The following PRSS12 variants were observed in gnomAD, a reference collection of about 807,000 sequenced individuals.
PRSS12 encodes neurotrypsin.
PRSS12 carries 85 observed loss-of-function variants against 104.4 expected under a neutral mutation model. The ratio of observed to expected loss-of-function variants is 0.81; its 90% CI spans 0.68 to 0.98. PRSS12 has a LOEUF of 0.98. PRSS12 is among the 50% of genes least tolerant of loss of function. The pLI is 0.00. For synonymous variants in PRSS12, 454 were observed against 425.2 expected (o/e 1.07, Z -0.83); for missense variants, 1,141 against 1,139.2 (o/e 1.00, Z -0.02).
intron 8 of PRSS12, among the ~76,000 whole-genome samples, chr4:118,304,825 T>C (rs1394978682): frequency 2.0e-5 from 3 of 151,978 alleles, no homozygotes; most frequent in Admixed American, 6.6e-5. Flanking sequence ...TCACATTTCC[T>C]TTTTTATTAT....
intron 1 of PRSS12, among the ~76,000 whole-genome samples, chr4:118,349,371 T>C (rs1724434989): frequency 6.7e-6 from 1 of 149,564 alleles, no homozygotes; most frequent in African/African-American, 2.5e-5. Context: ...GCCACTGCGC[T>C]CCAGCCCGGG....
chr4:118,339,861 T>A (rs1272219065), intron 1 of PRSS12, among the ~76,000 whole-genome samples: 2 of 152,206 alleles, frequency 1.3e-5, no homozygotes, highest in Non-Finnish European at 2.9e-5. Context: ...TTTATTTTAG[T>A]CAAAGAATTC....
At chr4:118,306,502 C>T (rs377660665) in intron 8 of PRSS12, among the ~76,000 whole-genome samples, 81 of 152,238 alleles carry the variant, frequency 5.3e-4, no homozygotes, top group African/African-American at 1.8e-3. Flanking sequence ...GGGGAACAGG[C>T]AAGTCACACA....
chr4:118,352,598 C>G lies in PRSS12; in HGVS notation c.123G>C (p.Pro41=), dbSNP rs1208275346. 6 of 1,606,114 alleles carry G rather than the reference C, an allele frequency of 3.7e-6. No homozygotes were observed. The highest frequency in any genetic ancestry group is 5.1e-6 in the Non-Finnish European group (6 of 1,176,698). The change falls in exon 1 of 13, where the codon CCG becomes CCC. Residue 41 remains proline, a synonymous_variant. Transcript: ENST00000296498. ...GGGTGGGAAGGTAATAGGGGTAGTG[C>G]GGACCCGCAGGGGGCGAATGGCGGT... ...HSHRHSPPAG[P]HYPYYLPTQQ...
At chr4:118,295,941 C>T (rs1743243366) in intron 9 of PRSS12, 85 bp from the exon 10 acceptor site, 1 of 1,216,580 alleles carries the variant, frequency 8.2e-7, no homozygotes, top group Non-Finnish European at 1.2e-6. Flanking sequence ...ACTGATGCTT[C>T]CTCCTCTATG....
intron 1 of PRSS12, among the ~76,000 whole-genome samples, chr4:118,339,519 C>T (rs1251588274): frequency 5.9e-5 from 9 of 152,100 alleles, no homozygotes; most frequent in Admixed American, 3.3e-4. Flanking sequence ...ATATTTCTCA[C>T]GACAAAAACA....
chr4:118,345,912 G>A (rs1724342860), intron 1 of PRSS12, among the ~76,000 whole-genome samples: 1 of 152,202 alleles, frequency 6.6e-6, no homozygotes, highest in South Asian at 2.1e-4. Flanking sequence ...ATCCCCAGAT[G>A]ATTCAGAGGT....
At chr4:118,297,486 A>G (rs780226040) in intron 9 of PRSS12, among the ~76,000 whole-genome samples, 7 of 151,728 alleles carry the variant, frequency 4.6e-5, no homozygotes, top group Non-Finnish European at 8.8e-5. Context: ...ATTCACATAT[A>G]TACATATATC....
Position 118,316,837 on chromosome 4 carries a change from A to AATATATAT in PRSS12, c.1151-522_1151-515dup, listed in dbSNP as rs70941165. Reference sequence around the variant, plus strand: ...ACTCCGTCTCACGGAAAAAAAAAAAAATATATATATATATATATATCTTTC... The same window carrying AATATATAT: ...ACTCCGTCTCACGGAAAAAAAAAAAAATATATATATATATATATATATATATATCTTTC... On this transcript the variant is annotated intron_variant, in intron 5 of 12. Coordinates refer to ENST00000296498, the MANE Select transcript of PRSS12 (RefSeq NM_003619.4). 3.0e-3 allele frequency among the ~76,000 whole-genome samples: 294 copies of AATATATAT among 99,072 alleles called. 8 individuals carry two copies. The highest frequency in any genetic ancestry group is 0.018 in the Middle Eastern group (2 of 112). The allele number at this position is 99,072 out of a possible 152,430, so 65.0% of individuals were successfully genotyped here. A position where few individuals can be genotyped will look rare whatever the true frequency, so the allele number is the denominator to read the frequency against.
intron 4 of PRSS12, among the ~76,000 whole-genome samples, chr4:118,331,443 C>CGTAG (rs1723915372): frequency 6.6e-6 from 1 of 152,120 alleles, no homozygotes; most frequent in Admixed American, 6.5e-5. Context: ...CTGGTTACTA[C>CGTAG]CTGGGAGTAA....
At chr4:118,349,395 A>ATCAGAGAGAGAC (rs2126046822) in intron 1 of PRSS12, among the ~76,000 whole-genome samples, 1 of 147,902 alleles carries the variant, frequency 6.8e-6, no homozygotes, top group Non-Finnish European at 1.5e-5. Flanking sequence ...CAGAGAGAGA[A>ATCAGAGAGAGAC]CCTATCTCAA....
chr4:118,334,004 T>C (rs1010732487), intron 3 of PRSS12, among the ~76,000 whole-genome samples: 1 of 152,164 alleles, frequency 6.6e-6, no homozygotes, highest in East Asian at 1.9e-4. Context: ...TACTTTGAAA[T>C]GTTGGAAAAG....
At chr4:118,332,015 AAT>A (rs1292538612) in intron 3 of PRSS12, 149 bp from the exon 4 acceptor site, 2 of 894,878 alleles carry the variant, frequency 2.2e-6, no homozygotes, top group African/African-American at 3.3e-5. Context: ...ATATATATCT[AAT>A]ATATTATGGT....
intron 1 of PRSS12, among the ~76,000 whole-genome samples, chr4:118,346,095 G>C (rs1724346963): frequency 6.6e-6 from 1 of 152,162 alleles, no homozygotes; most frequent in Non-Finnish European, 1.5e-5. Flanking sequence ...TCTTCCTTCT[G>C]CAGATTGTTC....
intron 1 of PRSS12, among the ~76,000 whole-genome samples, chr4:118,341,514 C>T (rs1344619337): frequency 1.3e-5 from 2 of 152,022 alleles, no homozygotes; most frequent in Non-Finnish European, 2.9e-5. Flanking sequence ...GAAACCCCGT[C>T]TCTACTAAAA....
At chr4:118,286,720 G>T (rs1301839079) in intron 11 of PRSS12, among the ~76,000 whole-genome samples, 6 of 152,080 alleles carry the variant, frequency 3.9e-5, no homozygotes, top group Non-Finnish European at 5.9e-5. Flanking sequence ...ATTAAAAAGA[G>T]ATCTTATCAA....
Position 118,318,364 on chromosome 4 carries a change from A to C in PRSS12, c.1150+14T>G. 1 of 1,613,432 alleles carries C rather than the reference A, an allele frequency of 6.2e-7. No individual in the cohort carries two copies. Among genetic ancestry groups the C allele is most frequent in the South Asian group, 1.1e-5 (1 of 90,946 alleles). ...GGGGCAAGAACTGGTACACTAATGG[A>C]GTGAAATCCTTACCTGTTAGAGGGG... On this transcript the variant is annotated intron_variant, in intron 5 of 12. Transcript: ENST00000296498.
At chr4:118,323,639 A>C (rs564476904) in intron 4 of PRSS12, among the ~76,000 whole-genome samples, 1 of 152,068 alleles carries the variant, frequency 6.6e-6, no homozygotes, top group East Asian at 1.9e-4. Context: ...CCCAGAAGTC[A>C]GAAAACAAAA....
chr4:118,352,885 T>G lies in PRSS12; in HGVS notation c.-165A>C, dbSNP rs111432696. ...CCTCCCCAACCTTGCCTCCCGCCGC[T>G]GGTGCCCTGCCGCGCCTCGGCTCCT... On this transcript the variant is annotated 5_prime_UTR_variant, in exon 1 of 13. Transcript: ENST00000296498. 702 of 1,413,498 alleles carry G rather than the reference T, an allele frequency of 5.0e-4. 2 individuals carry two copies. In the African/African-American group the frequency reaches 9.7e-3, roughly 20 times the overall value. 87.6% of individuals were successfully genotyped at this position (1,413,498 alleles called of 1,614,324 possible). A position where few individuals can be genotyped will look rare whatever the true frequency, so the allele number is the denominator to read the frequency against.
Sources: allele counts gnomAD v4.1 joint callset (sites outside exome capture counted in the v4.1 genomes callset), GRCh38; gene constraint gnomAD v4.1.1; transcripts MANE v1.5; gene names NCBI Gene and HGNC (gene_info 2026-07-23, HGNC 2026-07-21).